Variants in BTBD9 observed in about 807,000 individuals in gnomAD.
The protein encoded by BTBD9 is BTB domain containing 9, also known as BTB/POZ domain-containing protein 9.
In BTBD9, 49 loss-of-function variants were observed where a neutral mutation model predicts 64.3. The observed-to-expected ratio is 0.76, with a 90% CI of 0.61 to 0.97. BTBD9 has a LOEUF of 0.97. Ranked by LOEUF, BTBD9 falls within the 50% of genes least tolerant of loss-of-function variation. The pLI, the probability that BTBD9 is intolerant of heterozygous loss-of-function variation, is 0.00. For missense variants in BTBD9, 598 were observed against 762.1 expected (o/e 0.78, Z 2.53); for synonymous variants, 260 against 274.7 (o/e 0.95, Z 0.53).
intron 9 of BTBD9, among the ~76,000 whole-genome samples, chr6:38,199,296 A>G (rs1294959579): frequency 7.9e-5 from 12 of 152,066 alleles, no homozygotes; most frequent in Admixed American, 7.9e-4. Context: ...CCCGTGATAC[A>G]GTCTTAAACC....
intron 6 of BTBD9, among the ~76,000 whole-genome samples, chr6:38,460,397 C>T (rs938155512): frequency 1.3e-5 from 2 of 152,128 alleles, no homozygotes; most frequent in African/African-American, 4.8e-5. Context: ...TGGTTAGTAA[C>T]AACATTAGTC....
At chr6:38,584,241 T>A (rs114405740) in intron 4 of BTBD9, among the ~76,000 whole-genome samples, 6,786 of 152,170 alleles carry the variant, frequency 0.045, 261 homozygotes, top group Non-Finnish European at 0.07. Context: ...GGCAGGAGAA[T>A]CACTTGAACC....
At chr6:38,356,947 T>C (rs1304725598) in intron 6 of BTBD9, among the ~76,000 whole-genome samples, 2 of 151,952 alleles carry the variant, frequency 1.3e-5, no homozygotes, top group African/African-American at 4.8e-5. Flanking sequence ...GGGAGGGTGG[T>C]TATGTGTGTT....
intron 6 of BTBD9, among the ~76,000 whole-genome samples, chr6:38,542,433 C>G (rs957501885): frequency 3.3e-5 from 5 of 152,106 alleles, no homozygotes; most frequent in African/African-American, 1.2e-4. Context: ...CACATCCACT[C>G]TATCCATCAT....
intron 7 of BTBD9, among the ~76,000 whole-genome samples, chr6:38,317,503 G>C (rs1410728539): frequency 6.6e-6 from 1 of 152,050 alleles, no homozygotes; most frequent in Admixed American, 6.5e-5. Context: ...AATCTGCTTA[G>C]TGTTCTAAAC....
At chr6:38,305,325 C>G (rs1190514436) in intron 7 of BTBD9, among the ~76,000 whole-genome samples, 1 of 152,206 alleles carries the variant, frequency 6.6e-6, no homozygotes, top group African/African-American at 2.4e-5. Context: ...ATTCTCTCAA[C>G]TTCTCCCCTA....
intron 6 of BTBD9, among the ~76,000 whole-genome samples, chr6:38,457,730 T>C (rs1769883653): frequency 6.6e-6 from 1 of 152,076 alleles, no homozygotes; most frequent in African/African-American, 2.4e-5. Flanking sequence ...CATATACATG[T>C]ATAAGAAAGG....
chr6:38,340,294 T>C (rs1310213082), intron 7 of BTBD9, among the ~76,000 whole-genome samples: 1 of 152,150 alleles, frequency 6.6e-6, no homozygotes, highest in East Asian at 1.9e-4. Flanking sequence ...GTCATTTTCC[T>C]CTATACGGTA....
At chr6:38,209,107 T>A (rs1762748915) in intron 9 of BTBD9, among the ~76,000 whole-genome samples, 1 of 152,150 alleles carries the variant, frequency 6.6e-6, no homozygotes, top group Non-Finnish European at 1.5e-5. Context: ...AACCAGAAGA[T>A]CTGGCATGCA....
At chr6:38,486,027 T>C (rs1457582774) in intron 6 of BTBD9, among the ~76,000 whole-genome samples, 1 of 152,256 alleles carries the variant, frequency 6.6e-6, no homozygotes, top group Non-Finnish European at 1.5e-5. Context: ...CTTGCATTTT[T>C]ATGTTATGGA....
intron 6 of BTBD9, among the ~76,000 whole-genome samples, chr6:38,465,503 C>T (rs1582473901): frequency 7.4e-6 from 1 of 134,746 alleles, no homozygotes; most frequent in African/African-American, 2.7e-5. Context: ...TGGTGGTGGG[C>T]GCCTGTAGTC....
At chr6:38,437,445 C>T (rs1768791431) in intron 6 of BTBD9, among the ~76,000 whole-genome samples, 1 of 152,186 alleles carries the variant, frequency 6.6e-6, no homozygotes, top group African/African-American at 2.4e-5. Flanking sequence ...GATTCATGTT[C>T]TTTTCCCATT....
chr6:38,221,645 C>G (rs1196373595), intron 9 of BTBD9, among the ~76,000 whole-genome samples: 2 of 152,152 alleles, frequency 1.3e-5, no homozygotes, highest in Non-Finnish European at 2.9e-5. Context: ...TAATAACAAC[C>G]CAATAACAAT....
At chr6:38,529,299 G>A (rs1773670985) in intron 6 of BTBD9, among the ~76,000 whole-genome samples, 1 of 152,158 alleles carries the variant, frequency 6.6e-6, no homozygotes, top group African/African-American at 2.4e-5. Flanking sequence ...TCTCCACCTG[G>A]TAATCCAAGA....
intron 8 of BTBD9, among the ~76,000 whole-genome samples, chr6:38,286,165 T>C (rs1761723080): frequency 6.6e-6 from 1 of 152,164 alleles, no homozygotes; most frequent in Non-Finnish European, 1.5e-5. Context: ...TTGTTGCCTA[T>C]GGTACTCAGC....
intron 9 of BTBD9, among the ~76,000 whole-genome samples, chr6:38,247,492 G>A (rs1324387068): frequency 2.0e-5 from 3 of 152,230 alleles, no homozygotes; most frequent in African/African-American, 7.2e-5. Context: ...GTGACAGGGA[G>A]ACAGTCAAGG....
At chr6:38,603,109 T>C (rs1362109679) in intron 1 of BTBD9, among the ~76,000 whole-genome samples, 1 of 152,168 alleles carries the variant, frequency 6.6e-6, no homozygotes. Context: ...ACTCAAACTG[T>C]TGCCTCAAGG....
At chr6:38,337,651 T>C (rs1043655293) in intron 7 of BTBD9, among the ~76,000 whole-genome samples, 1 of 152,248 alleles carries the variant, frequency 6.6e-6, no homozygotes, top group East Asian at 1.9e-4. Flanking sequence ...CTTATTTCCA[T>C]ACCTTGCCAA....
chr6:38,515,896 C>A (rs1773003731), intron 6 of BTBD9, among the ~76,000 whole-genome samples: 1 of 152,138 alleles, frequency 6.6e-6, no homozygotes, highest in African/African-American at 2.4e-5. Flanking sequence ...CTCACAAACA[C>A]AGTTTCAAAG....
Sources: allele counts gnomAD v4.1 joint callset (sites outside exome capture counted in the v4.1 genomes callset), GRCh38; gene constraint gnomAD v4.1.1; transcripts MANE v1.5; gene names NCBI Gene and HGNC (gene_info 2026-07-23, HGNC 2026-07-21).